Variants in RHEBL1 observed in about 807,000 individuals in gnomAD.
The protein encoded by RHEBL1 is GTPase RhebL1.
Under a neutral mutation model 27.4 loss-of-function variants are expected in RHEBL1, and 22 were observed. The ratio of observed to expected loss-of-function variants is 0.80; its 90% CI spans 0.57 to 1.15. The LOEUF is 1.15. Among genes scored for constraint, RHEBL1 ranks in the 50% most tolerant of loss-of-function variants. The probability of loss-of-function intolerance (pLI) is 0.00; values close to 1 mark genes in which losing one functional copy is unlikely to be tolerated. For missense variants in RHEBL1, 186 were observed against 226.5 expected, an observed-to-expected ratio of 0.82 and a Z score of 1.15; for synonymous variants, 85 against 80.8, an observed-to-expected ratio of 1.05 and a Z score of -0.28.
intron 6 of RHEBL1, 84 bp from the exon 7 acceptor site, chr12:49,065,515 G>T: frequency 8.7e-7 from 1 of 1,143,968 alleles, no homozygotes; most frequent in Non-Finnish European, 1.3e-6. Flanking sequence ...AGACTTCCTG[G>T]CCAGGCACAG....
At position 49,065,141 on chromosome 12, in the gene RHEBL1, TCTC is replaced by T. The variant is rs1339979616; in HGVS notation, c.511_513del (p.Glu171del). The T allele has an allele frequency of 6.2e-7, 1 of 1,614,066 alleles. No individual in the cohort carries two copies. Among genetic ancestry groups the T allele is most frequent in the African/African-American group, 1.3e-5 (1 of 75,018 alleles). On this transcript the variant is annotated inframe_deletion, in exon 8 of 8. Transcript: ENST00000301068. ...CAGCGACGCTCTTGCCCATAGGAATTCTCCACACGGGCAATCTCCTGGATGACT... is the reference window on the plus strand; with the variant it reads ...CAGCGACGCTCTTGCCCATAGGAATTCACACGGGCAATCTCCTGGATGACT...
In RHEBL1 at chr12:49,069,046, G is replaced by C; in HGVS notation, c.113C>G (p.Thr38Arg). The C allele has an allele frequency of 6.2e-7, 1 of 1,613,962 alleles. No homozygotes were observed. The highest frequency in any genetic ancestry group is 8.5e-7 in the Non-Finnish European group (1 of 1,179,872). The change falls in exon 2 of 8, where the codon ACA becomes AGA. Residue 38 changes from threonine (T) to arginine (R), a missense_variant. Around this residue, in one of 3 missense-constraint regions of RHEBL1, gnomAD observed 62 missense variants for 62.1 expected, o/e 1.00. Transcript: ENST00000301068. ...EGEFSEGYDPTVENTYSKIVT... is the reference protein window; with the variant it reads ...EGEFSEGYDPRVENTYSKIVT... ...AGAAGTCTACTCACTATTCTCCACTGTAGGATCGTAGCCTTCCGAGAACTC... is the reference window on the plus strand; with the variant it reads ...AGAAGTCTACTCACTATTCTCCACTCTAGGATCGTAGCCTTCCGAGAACTC...
chr12:49,065,160 C>T lies in RHEBL1; in HGVS notation c.495G>A (p.Gln165=). The T allele has an allele frequency of 6.2e-7, 1 of 1,614,166 alleles. No homozygotes were observed. Residue 165 remains glutamine (Q), a synonymous_variant, in exon 8 of 8, where the codon CAG becomes CAA. Coordinates refer to ENST00000301068, the MANE Select transcript of RHEBL1 (RefSeq NM_144593.3). The part of the protein sequence containing the change: ...LTQGIFTKVI[Q]EIARVENSYG... ...AGGAATTCTCCACACGGGCAATCTC[C>T]TGGATGACTTTGGTGAAGATGCCTT...
In RHEBL1 at chr12:49,067,037, T is replaced by C. The variant is rs368533410; in HGVS notation, c.125-2A>G. On this transcript the variant is annotated splice_acceptor_variant, in intron 2 of 7. Transcript: ENST00000301068. LOFTEE classifies it high-confidence loss of function. ...CAAGAGTCACTATCTTGCTGTAAGC[T>C]GAAAAGAAAAGAAAACTTGACTGTG... 10 of 1,612,380 alleles carry C rather than the reference T, an allele frequency of 6.2e-6. No individual in the cohort carries two copies. Among genetic ancestry groups the C allele is most frequent in the African/African-American group, 1.3e-5 (1 of 74,684 alleles).
chr12:49,069,042 C>T lies in RHEBL1; in HGVS notation c.117G>A (p.Val39=), dbSNP rs1485416910. The T allele has an allele frequency of 6.2e-7, 1 of 1,613,698 alleles. No homozygotes were observed. The highest frequency in any genetic ancestry group is 1.7e-5 in the Admixed American group (1 of 59,982). ...GEFSEGYDPT[V]ENTYSKIVTL... ...GGGGAGAAGTCTACTCACTATTCTC[C>T]ACTGTAGGATCGTAGCCTTCCGAGA... is the stretch of plus-strand genomic sequence containing the variant. The change falls in exon 2 of 8, where the codon GTG becomes GTA. Residue 39 remains valine (V), a synonymous_variant. Coordinates refer to ENST00000301068, the MANE Select transcript of RHEBL1 (RefSeq NM_144593.3).
chr12:49,067,320 G>A (rs1939013987), intron 2 of RHEBL1, among the ~76,000 whole-genome samples: 1 of 151,430 alleles, frequency 6.6e-6, no homozygotes, highest in South Asian at 2.1e-4. Flanking sequence ...CCAGGCTGTA[G>A]AGCAGTGGCT....
chr12:49,068,747 T>A (rs1047620882), intron 2 of RHEBL1, among the ~76,000 whole-genome samples: 1 of 152,176 alleles, frequency 6.6e-6, no homozygotes, highest in Admixed American at 6.5e-5. Context: ...CCCCTTACAT[T>A]CTTAACCTTG....
At chr12:49,069,532 A>C (rs1296481860) in intron 1 of RHEBL1, among the ~76,000 whole-genome samples, 1 of 151,996 alleles carries the variant, frequency 6.6e-6, no homozygotes, top group African/African-American at 2.4e-5. Flanking sequence ...TTAACCCTTA[A>C]GTGCTCCCGC....
intron 1 of RHEBL1, 189 bp from the exon 2 acceptor site, chr12:49,069,295 A>C: frequency 1.1e-6 from 1 of 949,224 alleles, no homozygotes; most frequent in East Asian, 2.7e-5. Flanking sequence ...CACTTTGGCT[A>C]CCGGATGCAT....
At chr12:49,066,864 G>A (rs1939005712) in intron 3 of RHEBL1, 104 bp downstream of exon 3, 4 of 1,128,102 alleles carry the variant, frequency 3.5e-6, no homozygotes, top group Non-Finnish European at 5.4e-6. Context: ...CTGTTAGCAG[G>A]TAAAATGCTT....
chr12:49,067,314 G>A (rs1243588169), intron 2 of RHEBL1, among the ~76,000 whole-genome samples: 1 of 151,598 alleles, frequency 6.6e-6, no homozygotes, highest in East Asian at 1.9e-4. Flanking sequence ...TGTTGCCCAG[G>A]CTGTAGAGCA....
At chr12:49,066,379 T>A (rs1469593269) in intron 5 of RHEBL1, 97 bp downstream of exon 5, 1 of 1,538,650 alleles carries the variant, frequency 6.5e-7, no homozygotes, top group African/African-American at 1.4e-5. Context: ...AGGCAGGATC[T>A]ATATCCGAGC....
Position 49,064,723 on chromosome 12 carries a change from C to T in RHEBL1, c.*380G>A. On this transcript the variant is annotated 3_prime_UTR_variant, in exon 8 of 8. Coordinates refer to ENST00000301068, the MANE Select transcript of RHEBL1 (RefSeq NM_144593.3). ...TTTATTTGCATATATACATTGTCAC[C>T]CCAGGGAGCCAGCTCTATTTCAGAA... 1 of 219,660 alleles carries T rather than the reference C, an allele frequency of 4.6e-6. No homozygotes were observed. The highest frequency in any genetic ancestry group is 9.2e-6 in the Non-Finnish European group (1 of 108,220). 13.6% of individuals were successfully genotyped at this position (219,660 alleles called of 1,614,324 possible).
rs1000897758 is a variant in RHEBL1 at position 49,065,175 on chromosome 12, G to A, written c.480C>T (p.Phe160=). ...GGGCAATCTCCTGGATGACTTTGGT[G>A]AAGATGCCTTGAGTCAGCTATAAGA... ...ARENQLTQGI[F]TKVIQEIARV... Residue 160 remains phenylalanine (F), a synonymous_variant, in exon 8 of 8, where the codon TTC becomes TTT. Coordinates refer to ENST00000301068, the MANE Select transcript of RHEBL1 (RefSeq NM_144593.3). The A allele has an allele frequency of 1.9e-6, 3 of 1,613,932 alleles. No homozygotes were observed. The highest frequency in any genetic ancestry group is 3.3e-5 in the Admixed American group (2 of 60,026).
At chr12:49,066,579 G>T in intron 4 of RHEBL1, 40 bp downstream of exon 4, 1 of 1,613,438 alleles carries the variant, frequency 6.2e-7, no homozygotes, top group Non-Finnish European at 8.5e-7. Flanking sequence ...ACAGTCCTCA[G>T]GTTCTCCCAA....
chr12:49,065,098 A>G lies in RHEBL1; in HGVS notation c.*5T>C, dbSNP rs770284536. On this transcript the variant is annotated 3_prime_UTR_variant, in exon 8 of 8. Coordinates refer to ENST00000301068, the MANE Select transcript of RHEBL1 (RefSeq NM_144593.3). ...AAGCAAGGCAGTTACCCCACACCCA[A>G]GGGCTCACATGAGATGGCAGCGACG... The G allele has an allele frequency of 1.1e-5, 18 of 1,608,726 alleles. No homozygotes were observed. In the Admixed American group the frequency reaches 2.5e-4, roughly 22 times the overall value.
chr12:49,065,363 G>A lies in RHEBL1; in HGVS notation c.449C>T (p.Ala150Val). 1 of 1,614,056 alleles carries A rather than the reference G, an allele frequency of 6.2e-7. No individual in the cohort carries two copies. Among genetic ancestry groups the A allele is most frequent in the Non-Finnish European group, 8.5e-7 (1 of 1,179,976 alleles). The stretch of plus-strand genomic sequence containing the variant: ...CAGGCCCAGCACCTGATTCTCTCGA[G>A]CAGATGACTCCATAAATGTCGCACC... Reference protein sequence around the residue: ...SWGATFMESSARENQLTQGIF... With the variant: ...SWGATFMESSVRENQLTQGIF... Residue 150 changes from alanine (A) to valine (V), a missense_variant, in exon 7 of 8, where the codon GCT becomes GTT. By Grantham distance (64) the Ala-to-Val change is moderately conservative. This residue lies in a region of RHEBL1 where 90 missense variants were observed against 95.2 expected (regional missense o/e 0.95). Transcript: ENST00000301068.
In RHEBL1 at chr12:49,064,901, G is replaced by C; in HGVS notation, c.*202C>G. ...GGGCTAGAGGCCAGTGTCCATGAGA[G>C]GTCCTTGCCCCTTTGTAAACATTGA... On this transcript the variant is annotated 3_prime_UTR_variant, in exon 8 of 8. Transcript: ENST00000301068. 2 of 588,310 alleles carry C rather than the reference G, an allele frequency of 3.4e-6. No homozygotes were observed. The allele number at this position is 588,310 out of a possible 1,614,324, so 36.4% of individuals were successfully genotyped here.
chr12:49,067,098 A>AATT, intron 2 of RHEBL1, 63 bp from the exon 3 acceptor site: 1 of 855,770 alleles, frequency 1.2e-6, no homozygotes, highest in Non-Finnish European at 1.7e-6. Flanking sequence ...ATGTCCCCTG[A>AATT]CTTTTTTTTT....
Sources: gnomAD v4.1 joint callset for allele counts (sites outside exome capture counted in the v4.1 genomes callset) on GRCh38, gnomAD v4.1.1 for gene constraint, gnomAD v4.1.1 regional missense constraint, MANE v1.5 for transcripts, NCBI Gene and HGNC (gene_info 2026-07-23, HGNC 2026-07-21) for gene names.